GNB1L: variants seen among roughly 807,000 people sequenced by gnomAD.
GNB1L encodes G protein subunit beta 1 like.
GNB1L carries 20 observed loss-of-function variants against 29.1 expected under a neutral mutation model. That is an observed-to-expected ratio of 0.69 (90% CI 0.48 to 1.00). GNB1L has a LOEUF of 1.00. Among genes scored for constraint, GNB1L ranks in the 50% least tolerant of loss-of-function variants. The pLI is 0.00. For missense variants in GNB1L, 421 were observed against 464.9 expected, an observed-to-expected ratio of 0.91 and a Z score of 0.87; for synonymous variants, 193 against 206.5, an observed-to-expected ratio of 0.93 and a Z score of 0.56.
At chr22:19,845,564 C>T (rs1333486211) in intron 2 of GNB1L, among the ~76,000 whole-genome samples, 1 of 152,240 alleles carries the variant, frequency 6.6e-6, no homozygotes, top group Non-Finnish European at 1.5e-5. Context: ...CAGGCCCCAG[C>T]CCTGTGCTGG....
Position 19,788,561 on chromosome 22 carries a change from C to T in GNB1L, c.*148G>A, listed in dbSNP as rs1195640480. The T allele has an allele frequency of 3.8e-6, 4 of 1,044,838 alleles. No individual in the cohort carries two copies. In the Admixed American group the frequency reaches 6.8e-5, roughly 18 times the overall value. The allele number at this position is 1,044,838 out of a possible 1,614,324, so 64.7% of individuals were successfully genotyped here. Reference sequence around the variant, plus strand: ...ATGAGGCACTCCACAAAAGGAAATACCAACCTCATGAAGACAGCGGGGACT... The same window carrying T: ...ATGAGGCACTCCACAAAAGGAAATATCAACCTCATGAAGACAGCGGGGACT... On this transcript the variant is annotated 3_prime_UTR_variant, in exon 8 of 8. Coordinates refer to ENST00000329517, the MANE Select transcript of GNB1L (RefSeq NM_053004.3).
rs530395098 is a variant in GNB1L, at chr22:19,789,781, A to C, written c.733-821T>G. Among the ~76,000 whole-genome samples, 4 of 149,600 alleles carry C rather than the reference A, an allele frequency of 2.7e-5. No individual in the cohort carries two copies. In the Admixed American group the frequency reaches 2.7e-4, roughly 10 times the overall value. The stretch of plus-strand genomic sequence containing the variant: ...AGCCCAGTGGATGGAGGCTGCAGTG[A>C]GCTGAGATCACTGCCACCGCACTCC... On this transcript the variant is annotated intron_variant, in intron 7 of 7. Transcript: ENST00000329517.
In GNB1L at chr22:19,787,717, T is replaced by C. The variant is rs1482148949; in HGVS notation, c.*992A>G. ...CAATCCGGGCAGACACAGGCGTGTGTGGTCCCAGCTTCTCTGGATCTGCCC... is the reference window on the plus strand; with the variant it reads ...CAATCCGGGCAGACACAGGCGTGTGCGGTCCCAGCTTCTCTGGATCTGCCC... On this transcript the variant is annotated 3_prime_UTR_variant, in exon 8 of 8. Coordinates refer to ENST00000329517, the MANE Select transcript of GNB1L (RefSeq NM_053004.3). The C allele has an allele frequency of 1.3e-5, 2 of 152,314 alleles. No individual in the cohort carries two copies. The highest frequency in any genetic ancestry group is 2.4e-5 in the African/African-American group (1 of 41,478). 9.4% of individuals were successfully genotyped at this position (152,314 alleles called of 1,614,324 possible).
At chr22:19,821,122 C>T in intron 3 of GNB1L, 106 bp downstream of exon 3, 1 of 1,175,728 alleles carries the variant, frequency 8.5e-7, no homozygotes, top group South Asian at 1.4e-5. Flanking sequence ...GGCGAGCAGT[C>T]CATGCCCCTT....
intron 7 of GNB1L, among the ~76,000 whole-genome samples, chr22:19,799,257 T>C (rs1369989631): frequency 6.6e-6 from 1 of 152,186 alleles, no homozygotes; most frequent in Admixed American, 6.5e-5. Flanking sequence ...TACCCCAAAA[T>C]GTGGGAGGGA....
At chr22:19,797,960 G>A (rs954489009) in intron 7 of GNB1L, among the ~76,000 whole-genome samples, 6 of 152,170 alleles carry the variant, frequency 3.9e-5, no homozygotes, top group East Asian at 1.9e-4. Context: ...TGGGGGTCTC[G>A]GCGGTATCCT....
chr22:19,806,886 C>T, intron 5 of GNB1L, 129 bp from the exon 6 acceptor site: 1 of 741,366 alleles, frequency 1.3e-6, no homozygotes, highest in Middle Eastern at 2.9e-4. Flanking sequence ...CCGTGGGCAC[C>T]TGGGAGCCCA....
intron 2 of GNB1L, among the ~76,000 whole-genome samples, chr22:19,853,364 C>T (rs1325926709): frequency 2.6e-5 from 4 of 152,146 alleles, no homozygotes; most frequent in Admixed American, 2.6e-4. Context: ...ACCTAGGAGG[C>T]TCCAGAGCCA....
chr22:19,789,757 G>A (rs893978200), intron 7 of GNB1L, among the ~76,000 whole-genome samples: 3 of 151,350 alleles, frequency 2.0e-5, no homozygotes, highest in Non-Finnish European at 4.4e-5. Flanking sequence ...GATCACCTGA[G>A]CCCAGTGGAT....
At chr22:19,850,362 G>A in intron 2 of GNB1L, 1 of 986,512 alleles carries the variant, frequency 1.0e-6, no homozygotes, top group Non-Finnish European at 1.2e-6. Flanking sequence ...TACACACTAG[G>A]GCTTAAGTGC....
intron 7 of GNB1L, among the ~76,000 whole-genome samples, chr22:19,798,948 A>G (rs1391357116): frequency 6.6e-6 from 1 of 152,172 alleles, no homozygotes; most frequent in Non-Finnish European, 1.5e-5. Context: ...GCCCTGCACA[A>G]GCCTCTCCTC....
intron 2 of GNB1L, among the ~76,000 whole-genome samples, chr22:19,824,356 C>T (rs944703956): frequency 1.3e-5 from 2 of 152,230 alleles, no homozygotes; most frequent in African/African-American, 4.8e-5. Context: ...GCGCAAGGCC[C>T]GTGTGCGCCC....
chr22:19,852,446 A>G (rs1285004963), intron 2 of GNB1L: 2 of 630,788 alleles, frequency 3.2e-6, no homozygotes, highest in Non-Finnish European at 5.6e-6. Context: ...AGCTGAGAAG[A>G]GCTGAGAGAC....
intron 5 of GNB1L, among the ~76,000 whole-genome samples, chr22:19,808,606 C>T (rs930861344): frequency 2.0e-5 from 3 of 152,176 alleles, no homozygotes; most frequent in Admixed American, 1.3e-4. Context: ...ACATTGATGT[C>T]CAAAAACCAA....
rs1255893403 is a variant in GNB1L, at chr22:19,784,119, A to T, written c.*4590T>A. The stretch of plus-strand genomic sequence containing the variant: ...GTTGTCTTCCACGCTGGGATTTCAC[A>T]TGAAGTTCTAGCTAATTGAGTATAA... On this transcript the variant is annotated 3_prime_UTR_variant, in exon 8 of 8. Coordinates refer to ENST00000329517, the MANE Select transcript of GNB1L (RefSeq NM_053004.3). 6.6e-6 allele frequency: 1 copy of T among 152,238 alleles called. No individual in the cohort carries two copies. Among genetic ancestry groups the T allele is most frequent in the African/African-American group, 2.4e-5 (1 of 41,450 alleles). 9.4% of individuals were successfully genotyped at this position (152,238 alleles called of 1,614,324 possible). A position where few individuals can be genotyped will look rare whatever the true frequency, so the allele number is the denominator to read the frequency against.
At chr22:19,854,092 C>G (rs1938177450) in intron 2 of GNB1L, among the ~76,000 whole-genome samples, 1 of 152,226 alleles carries the variant, frequency 6.6e-6, no homozygotes, top group African/African-American at 2.4e-5. Flanking sequence ...GGGCCGCACT[C>G]TCACCATTTT....
intron 4 of GNB1L, among the ~76,000 whole-genome samples, chr22:19,814,237 G>A (rs750289143): frequency 6.6e-6 from 1 of 152,112 alleles, no homozygotes; most frequent in Non-Finnish European, 1.5e-5. Context: ...AGGGAAACGA[G>A]AATACCCCAG....
rs34331843 is a variant in GNB1L at position 19,847,804 on chromosome 22, C to CAAAAAAAA, written c.-21+6631_-21+6638dup. Reference sequence around the variant, plus strand: ...ACTTTTAAAATCCTGGAATCATAGGCAAAAAAAAAAAAAAAAAAAAATTCA... The same window carrying CAAAAAAAA: ...ACTTTTAAAATCCTGGAATCATAGGCAAAAAAAAAAAAAAAAAAAAAAAAAAAAATTCA... On this transcript the variant is annotated intron_variant, in intron 2 of 7. Coordinates refer to ENST00000329517, the MANE Select transcript of GNB1L (RefSeq NM_053004.3). The CAAAAAAAA allele has an allele frequency of 3.6e-3, 2,230 of 611,768 alleles. 94 individuals carry two copies. The African/African-American group carries it at 0.054, about 15-fold the overall frequency. The allele number at this position is 611,768 out of a possible 1,614,324, so 37.9% of individuals were successfully genotyped here.
At chr22:19,812,531 G>GCC in intron 4 of GNB1L, 84 bp from the exon 5 acceptor site, 4 of 1,338,906 alleles carry the variant, frequency 3.0e-6, no homozygotes, top group Non-Finnish European at 4.1e-6. Flanking sequence ...GGAAGGCAAG[G>GCC]CCATGTTTCC....
Sources: allele counts gnomAD v4.1 joint callset (sites outside exome capture counted in the v4.1 genomes callset), GRCh38; gene constraint gnomAD v4.1.1; transcripts MANE v1.5; gene names NCBI Gene and HGNC (gene_info 2026-07-23, HGNC 2026-07-21).